The following MACROD2 variants were observed in gnomAD, a reference collection of about 807,000 sequenced individuals.
MACROD2 encodes the protein mono-ADP ribosylhydrolase 2.
MACROD2 carries 36 observed loss-of-function variants against 70.4 expected under a neutral mutation model. The observed-to-expected ratio is 0.51, with a 90% CI of 0.39 to 0.68. The LOEUF is 0.68. Ranked by LOEUF, MACROD2 falls within the 30% of genes least tolerant of loss-of-function variation. The pLI is 0.00. For missense variants in MACROD2, 496 were observed against 538.4 expected (o/e 0.92, Z 0.78); for synonymous variants, 172 against 178.8 (o/e 0.96, Z 0.30).
At chr20:15,059,117 G>A (rs1388186728) in intron 5 of MACROD2, among the ~76,000 whole-genome samples, 4 of 152,194 alleles carry the variant, frequency 2.6e-5, no homozygotes, top group Non-Finnish European at 5.9e-5. Context: ...AGAATCCTGG[G>A]CCAGACGCAG....
At chr20:15,985,149 G>A (rs2066460832) in intron 13 of MACROD2, among the ~76,000 whole-genome samples, 1 of 152,046 alleles carries the variant, frequency 6.6e-6, no homozygotes. Flanking sequence ...ATTCTTTCTT[G>A]AAATTTTTTA....
chr20:15,238,271 T>C (rs2077031670), intron 6 of MACROD2, among the ~76,000 whole-genome samples: 1 of 152,164 alleles, frequency 6.6e-6, no homozygotes, highest in Non-Finnish European at 1.5e-5. Flanking sequence ...AAAATGGTAA[T>C]TGATGTGACT....
intron 5 of MACROD2, among the ~76,000 whole-genome samples, chr20:15,080,150 A>ATAAT (rs1361099001): frequency 2.6e-5 from 4 of 151,544 alleles, no homozygotes; most frequent in Non-Finnish European, 5.9e-5. Context: ...AAATAAATAA[A>ATAAT]TAAATAAATA....
intron 5 of MACROD2, among the ~76,000 whole-genome samples, chr20:14,766,895 T>A (rs1600642539): frequency 6.6e-6 from 1 of 152,168 alleles, no homozygotes; most frequent in Admixed American, 6.5e-5. Context: ...TAAACAATTC[T>A]GATTATATCA....
chr20:14,138,056 CA>C (rs2054823027), intron 3 of MACROD2, among the ~76,000 whole-genome samples: 2 of 152,214 alleles, frequency 1.3e-5, no homozygotes, highest in South Asian at 4.1e-4. Context: ...AGTGAGATAT[CA>C]CTGCATACCT....
intron 4 of MACROD2, among the ~76,000 whole-genome samples, chr20:14,646,450 T>C (rs1044780464): frequency 7.9e-5 from 12 of 152,260 alleles, no homozygotes; most frequent in Non-Finnish European, 1.5e-4. Context: ...AGTCTATTAA[T>C]ATAGCACTAT....
At chr20:15,393,462 C>A (rs1401350761) in intron 6 of MACROD2, among the ~76,000 whole-genome samples, 1 of 152,156 alleles carries the variant, frequency 6.6e-6, no homozygotes, top group African/African-American at 2.4e-5. Flanking sequence ...CTTTCCATCC[C>A]AGTTTCATAA....
intron 5 of MACROD2, among the ~76,000 whole-genome samples, chr20:14,963,755 A>C (rs1351201507): frequency 6.6e-6 from 1 of 152,216 alleles, no homozygotes; most frequent in South Asian, 2.1e-4. Flanking sequence ...AAAGTTCTTC[A>C]TGTAGATTCA....
intron 3 of MACROD2, among the ~76,000 whole-genome samples, chr20:14,152,108 A>G (rs779414766): frequency 1.5e-4 from 23 of 152,164 alleles, no homozygotes; most frequent in Non-Finnish European, 3.2e-4. Flanking sequence ...GGCGTGAGCC[A>G]CCACGCCCAG....
chr20:15,260,969 G>A (rs1035882075), intron 6 of MACROD2, among the ~76,000 whole-genome samples: 19 of 151,886 alleles, frequency 1.3e-4, no homozygotes, highest in African/African-American at 4.4e-4. Flanking sequence ...GGGCCATGAG[G>A]TTATTCAATC....
chr20:15,302,879 A>G (rs2146130405), intron 6 of MACROD2, among the ~76,000 whole-genome samples: 1 of 152,268 alleles, frequency 6.6e-6, no homozygotes, highest in Non-Finnish European at 1.5e-5. Flanking sequence ...AACGTTTATT[A>G]GCCATATTTG....
intron 8 of MACROD2, among the ~76,000 whole-genome samples, chr20:15,824,025 A>T (rs565877244): frequency 1.7e-4 from 26 of 152,276 alleles, no homozygotes; most frequent in African/African-American, 6.3e-4. Context: ...TAATGATGTA[A>T]TTGGATAGAC....
At chr20:15,019,262 T>G (rs1264656114) in intron 5 of MACROD2, among the ~76,000 whole-genome samples, 1 of 152,238 alleles carries the variant, frequency 6.6e-6, no homozygotes, top group Non-Finnish European at 1.5e-5. Context: ...CACAAAGTTA[T>G]GAGCTTCTAT....
At chr20:15,766,480 C>A (rs1472011543) in intron 8 of MACROD2, among the ~76,000 whole-genome samples, 4 of 152,170 alleles carry the variant, frequency 2.6e-5, no homozygotes, top group African/African-American at 9.7e-5. Flanking sequence ...TCAAACAAGT[C>A]TCTTATTCTC....
intron 5 of MACROD2, among the ~76,000 whole-genome samples, chr20:15,031,383 C>T (rs2075273088): frequency 6.6e-6 from 1 of 152,152 alleles, no homozygotes; most frequent in Non-Finnish European, 1.5e-5. Context: ...TCTTTCAGTC[C>T]TGCCATCTGG....
At chr20:14,505,846 G>A (rs578017452) in intron 4 of MACROD2, among the ~76,000 whole-genome samples, 53 of 152,234 alleles carry the variant, frequency 3.5e-4, no homozygotes, top group African/African-American at 1.2e-3. Context: ...TCCAAAAAAA[G>A]CAGCTATAAG....
chr20:14,435,373 C>T (rs1280397831), intron 3 of MACROD2, among the ~76,000 whole-genome samples: 40 of 152,200 alleles, frequency 2.6e-4, no homozygotes. Context: ...ACCCTTTTTC[C>T]AATTAAACTG....
chr20:14,374,134 A>G (rs563766727), intron 3 of MACROD2, among the ~76,000 whole-genome samples: 2 of 152,172 alleles, frequency 1.3e-5, no homozygotes, highest in South Asian at 4.1e-4. Context: ...AATGTTCAAC[A>G]CTAATTATAC....
chr20:15,501,502 G>A (rs978279917), intron 8 of MACROD2, among the ~76,000 whole-genome samples: 3 of 152,138 alleles, frequency 2.0e-5, no homozygotes, highest in Admixed American at 2.0e-4. Flanking sequence ...TATTCAGAAA[G>A]TTATTTTCCA....
Sources: allele counts gnomAD v4.1 joint callset (sites outside exome capture counted in the v4.1 genomes callset), GRCh38; gene constraint gnomAD v4.1.1; transcripts MANE v1.5; gene names NCBI Gene and HGNC (gene_info 2026-07-23, HGNC 2026-07-21).